Variants in PRKAG2 observed in about 807,000 individuals in gnomAD.
PRKAG2 encodes 5'-AMP-activated protein kinase subunit gamma-2.
In PRKAG2, 26 loss-of-function variants were observed where a neutral mutation model predicts 69.6. The observed-to-expected ratio is 0.37, with a 90% CI of 0.27 to 0.52. The LOEUF is 0.52. Among genes scored for constraint, PRKAG2 ranks in the 20% least tolerant of loss-of-function variants. The probability of loss-of-function intolerance (pLI) is 0.90; values close to 1 mark genes in which losing one functional copy is unlikely to be tolerated. For synonymous variants in PRKAG2, 293 were observed against 285.0 expected, an observed-to-expected ratio of 1.03 and a Z score of -0.28; for missense variants, 557 against 740.0, an observed-to-expected ratio of 0.75 and a Z score of 2.87.
chr7:151,750,372 G>A (rs939782849), intron 3 of PRKAG2, among the ~76,000 whole-genome samples: 4 of 152,332 alleles, frequency 2.6e-5, no homozygotes, highest in African/African-American at 7.2e-5. Context: ...GTGGATGACT[G>A]AGTAAGCAGA....
At chr7:151,767,762 C>T (rs117118029) in intron 3 of PRKAG2, among the ~76,000 whole-genome samples, 19 of 152,350 alleles carry the variant, frequency 1.2e-4, no homozygotes, top group Non-Finnish European at 2.5e-4. Context: ...CACTCTGTGA[C>T]GTGAGTCATT....
intron 1 of PRKAG2, among the ~76,000 whole-genome samples, chr7:151,838,063 A>G (rs1278288073): frequency 6.6e-6 from 1 of 151,934 alleles, no homozygotes; most frequent in African/African-American, 2.4e-5. Context: ...CCTCGGGAAC[A>G]GGCACCAGCA....
At chr7:151,663,077 A>G (rs1247456915) in intron 4 of PRKAG2, among the ~76,000 whole-genome samples, 2 of 152,194 alleles carry the variant, frequency 1.3e-5, no homozygotes, top group African/African-American at 2.4e-5. Context: ...AAAATTTAAA[A>G]AACAAAACAA....
intron 3 of PRKAG2, among the ~76,000 whole-genome samples, chr7:151,692,175 G>A (rs1835764533): frequency 6.6e-6 from 1 of 151,774 alleles, no homozygotes; most frequent in South Asian, 2.1e-4. Flanking sequence ...GCGACAAAGT[G>A]AGACCCTGTC....
chr7:151,631,514 C>A, intron 5 of PRKAG2: 2 of 274,806 alleles, frequency 7.3e-6, no homozygotes, highest in Admixed American at 8.0e-5. Flanking sequence ...AAAAAACAAC[C>A]AAGTGAGAGG....
At chr7:151,826,617 G>A (rs1227740672) in intron 1 of PRKAG2, among the ~76,000 whole-genome samples, 1 of 152,154 alleles carries the variant, frequency 6.6e-6, no homozygotes, top group Non-Finnish European at 1.5e-5. Flanking sequence ...AAAGAAAAGA[G>A]CTAGGGATTT....
chr7:151,709,266 T>C (rs932021659), intron 3 of PRKAG2, among the ~76,000 whole-genome samples: 9 of 151,508 alleles, frequency 5.9e-5, no homozygotes, highest in African/African-American at 2.2e-4. Context: ...TGTGTGACAT[T>C]GTGTGACGAT....
intron 3 of PRKAG2, among the ~76,000 whole-genome samples, chr7:151,770,498 T>C (rs1586406663): frequency 6.6e-6 from 1 of 152,264 alleles, no homozygotes; most frequent in Non-Finnish European, 1.5e-5. Context: ...CAGTGCCTGT[T>C]TCCAGCATCT....
At position 151,761,581 on chromosome 7, in the gene PRKAG2, C is replaced by G. The variant is rs117898078; in HGVS notation, c.466+19571G>C. 1.3e-3 allele frequency among the ~76,000 whole-genome samples: 197 copies of G among 152,278 alleles called. 2 individuals carry two copies. Among genetic ancestry groups the G allele is most frequent in the South Asian group, 0.012 (58 of 4,820 alleles). ...AATCAGCTGCACCCATTCCCTAGTC[C>G]CTGCCCGCCAAACTATCCATGAAAA... On this transcript the variant is annotated intron_variant, in intron 3 of 15. Coordinates refer to ENST00000287878, the MANE Select transcript of PRKAG2 (RefSeq NM_016203.4).
At chr7:151,695,757 G>A (rs565892867) in intron 3 of PRKAG2, among the ~76,000 whole-genome samples, 78 of 152,284 alleles carry the variant, frequency 5.1e-4, no homozygotes, top group African/African-American at 1.8e-3. Flanking sequence ...GCTTAAAGCC[G>A]GCTCTCTTCT....
intron 3 of PRKAG2, among the ~76,000 whole-genome samples, chr7:151,723,527 C>T (rs374802134): frequency 7.9e-5 from 12 of 152,224 alleles, no homozygotes; most frequent in South Asian, 2.1e-4. Flanking sequence ...TTGAGTCTGA[C>T]GGTCCTGATG....
chr7:151,736,874 G>T (rs930892141), intron 3 of PRKAG2, among the ~76,000 whole-genome samples: 3 of 152,180 alleles, frequency 2.0e-5, no homozygotes, highest in African/African-American at 7.2e-5. Context: ...TCCCTTCTAT[G>T]ACAGATGGGG....
Position 151,699,151 on chromosome 7 carries a change from C to A in PRKAG2, c.467-23514G>T, listed in dbSNP as rs1277083500. Among the ~76,000 whole-genome samples, 1 of 152,238 alleles carries A rather than the reference C, an allele frequency of 6.6e-6. No individual in the cohort carries two copies. The highest frequency in any genetic ancestry group is 1.5e-5 in the Non-Finnish European group (1 of 68,042). On this transcript the variant is annotated intron_variant, in intron 3 of 15. Coordinates refer to ENST00000287878, the MANE Select transcript of PRKAG2 (RefSeq NM_016203.4). This position sits in a 1 kb window ranked among gnomAD's most constrained non-coding sequence, Gnocchi z 4.5. ...ACCTTTCCTTCTCTGACCTCTGTCC[C>A]CATCCCTGCCCCAAGTTGTGTCTCT...
rs2079119676 is a variant in PRKAG2, at chr7:151,835,188, C to T, written c.114+41319G>A. On this transcript the variant is annotated intron_variant, in intron 1 of 15. Transcript: ENST00000287878. This position sits in a 1 kb window ranked among gnomAD's most constrained non-coding sequence, Gnocchi z 4.1. ...ATCTTTTAGGAGACACACAATTCAACTCATAACAGGGTGCCCTTAGAAAGG... is the reference window on the plus strand; with the variant it reads ...ATCTTTTAGGAGACACACAATTCAATTCATAACAGGGTGCCCTTAGAAAGG... 6.6e-6 allele frequency among the ~76,000 whole-genome samples: 1 copy of T among 152,132 alleles called. No individual in the cohort carries two copies. Among genetic ancestry groups the T allele is most frequent in the Admixed American group, 6.5e-5 (1 of 15,274 alleles).
intron 9 of PRKAG2, 52 bp downstream of exon 9, chr7:151,572,612 T>C: frequency 7.5e-7 from 1 of 1,329,802 alleles, no homozygotes; most frequent in Non-Finnish European, 1.1e-6. Flanking sequence ...CTTTTCATAC[T>C]AAACATAGCT....
chr7:151,641,244 C>CTTTTTTTTTTTTTTTTTTTTT (rs374667332), intron 4 of PRKAG2, among the ~76,000 whole-genome samples: 6 of 105,708 alleles, frequency 5.7e-5, no homozygotes, highest in East Asian at 7.0e-4. Flanking sequence ...TTCTTTTTTC[C>CTTTTTTTTTTTTTTTTTTTTT]TTTTTTTTTT....
rs1826196928 is a variant in PRKAG2 at position 151,638,908 on chromosome 7, TCTGTGCATC to T, written c.685-6779_685-6771del. Among the ~76,000 whole-genome samples, 1 of 152,216 alleles carries T rather than the reference TCTGTGCATC, an allele frequency of 6.6e-6. No homozygotes were observed. ...AATTTAGCATACAGAACTCTTAGTT[TCTGTGCATC>T]CTGCTGTCTTCCTTGAGCTCCACTC... On this transcript the variant is annotated intron_variant, in intron 4 of 15. Transcript: ENST00000287878. The surrounding 1 kb of genome is among the most constrained non-coding windows in gnomAD (Gnocchi z 4.3).
chr7:151,775,243 G>C (rs1265076194), intron 3 of PRKAG2, among the ~76,000 whole-genome samples: 2 of 152,112 alleles, frequency 1.3e-5, no homozygotes, highest in African/African-American at 4.8e-5. Context: ...TGGTCATTCT[G>C]TTTCTCCTGC....
chr7:151,574,680 CTTT>C (rs990980471), intron 8 of PRKAG2, among the ~76,000 whole-genome samples: 86 of 152,242 alleles, frequency 5.6e-4, no homozygotes, highest in African/African-American at 1.9e-3. Flanking sequence ...AGAATTCCTT[CTTT>C]GAGTTTCATA....
Sources: allele counts gnomAD v4.1 joint callset (sites outside exome capture counted in the v4.1 genomes callset), GRCh38; gene constraint gnomAD v4.1.1; non-coding constraint Gnocchi (gnomAD v3.1); transcripts MANE v1.5; gene names NCBI Gene and HGNC (gene_info 2026-07-23, HGNC 2026-07-21).